PAPPA2: variants seen among roughly 807,000 people sequenced by gnomAD.
PAPPA2 encodes the protein pappalysin 2.
In PAPPA2, 86 loss-of-function variants were observed where a neutral mutation model predicts 176.4. The observed-to-expected ratio is 0.49, with a 90% CI of 0.41 to 0.58. The LOEUF is 0.58. Among genes scored for constraint, PAPPA2 ranks in the 20% least tolerant of loss-of-function variants. The probability of loss-of-function intolerance (pLI) is 0.00; values close to 1 mark genes in which losing one functional copy is unlikely to be tolerated. For synonymous variants in PAPPA2, 809 were observed against 852.2 expected (o/e 0.95, Z 0.88); for missense variants, 2,073 against 2,256.9 (o/e 0.92, Z 1.65).
chr1:176,720,758 C>A (rs888471260), intron 12 of PAPPA2, among the ~76,000 whole-genome samples: 1 of 152,028 alleles, frequency 6.6e-6, no homozygotes, highest in African/African-American at 2.4e-5. Context: ...ACCTGGGATG[C>A]TGGTAGCATG....
Position 176,563,394 on chromosome 1 carries a change from T to A in PAPPA2, c.919+6153T>A, listed in dbSNP as rs551488129. The stretch of plus-strand genomic sequence containing the variant: ...GAGGGGCTTAATTACTTTAAGGAAG[T>A]TTAAACCCCAGAACTCTAGAGCAGG... On this transcript the variant is annotated intron_variant, in intron 2 of 22. Coordinates refer to ENST00000367662, the MANE Select transcript of PAPPA2 (RefSeq NM_020318.3). Among the ~76,000 whole-genome samples, 11 of 152,318 alleles carry A rather than the reference T, an allele frequency of 7.2e-5. No homozygotes were observed. The East Asian group carries it at 2.1e-3, about 29-fold the overall frequency.
At chr1:176,783,379 C>T (rs534868832) in intron 17 of PAPPA2, among the ~76,000 whole-genome samples, 1 of 152,242 alleles carries the variant, frequency 6.6e-6, no homozygotes, top group Non-Finnish European at 1.5e-5. Flanking sequence ...ATGTTACTCT[C>T]GAAAACCCTA....
chr1:176,816,166 A>G (rs1165688950), intron 21 of PAPPA2, among the ~76,000 whole-genome samples: 6 of 115,480 alleles, frequency 5.2e-5, no homozygotes, highest in African/African-American at 7.2e-5. Context: ...ATATATATAT[A>G]TATATATATA....
intron 3 of PAPPA2, among the ~76,000 whole-genome samples, chr1:176,634,205 A>T (rs1018335097): frequency 3.3e-5 from 5 of 152,202 alleles, no homozygotes; most frequent in African/African-American, 9.7e-5. Flanking sequence ...AATGCCCAAA[A>T]ATGATAGACT....
chr1:176,836,151 A>G (rs61821310), intron 21 of PAPPA2, among the ~76,000 whole-genome samples: 2 of 152,268 alleles, frequency 1.3e-5, no homozygotes, highest in South Asian at 4.2e-4. Flanking sequence ...ACCATGCCTG[A>G]TTTGGAAAGG....
intron 3 of PAPPA2, among the ~76,000 whole-genome samples, chr1:176,596,056 A>G (rs772897279): frequency 6.6e-6 from 1 of 152,228 alleles, no homozygotes; most frequent in African/African-American, 2.4e-5. Flanking sequence ...TGTTAGGTCT[A>G]TTTAGTCTAA....
intron 20 of PAPPA2, among the ~76,000 whole-genome samples, chr1:176,795,992 C>T (rs1294085931): frequency 3.3e-5 from 5 of 152,086 alleles, no homozygotes; most frequent in African/African-American, 1.2e-4. Context: ...AGGAAGAAAA[C>T]GAGAAGATAA....
chr1:176,666,598 T>TGAGAGA (rs1212034462), intron 3 of PAPPA2, among the ~76,000 whole-genome samples: 10 of 138,816 alleles, frequency 7.2e-5, no homozygotes, highest in African/African-American at 2.8e-4. Flanking sequence ...TGTGTGTGTG[T>TGAGAGA]GTGTGTGTGT....
At chr1:176,659,667 A>G (rs1365147669) in intron 3 of PAPPA2, among the ~76,000 whole-genome samples, 1 of 152,162 alleles carries the variant, frequency 6.6e-6, no homozygotes, top group Non-Finnish European at 1.5e-5. Context: ...AATCATTTGT[A>G]TTAAGATAAT....
intron 15 of PAPPA2, among the ~76,000 whole-genome samples, chr1:176,768,409 G>A (rs1340450771): frequency 6.6e-6 from 1 of 152,042 alleles, no homozygotes; most frequent in East Asian, 1.9e-4. Flanking sequence ...TGGCTTTATT[G>A]TTGCATATTT....
Position 176,690,062 on chromosome 1 carries a change from A to G in PAPPA2, c.2138-75A>G, listed in dbSNP as rs1484066416. 6 of 1,304,010 alleles carry G rather than the reference A, an allele frequency of 4.6e-6. No individual in the cohort carries two copies. In the African/African-American group the frequency reaches 7.4e-5, roughly 16 times the overall value. The allele number at this position is 1,304,010 out of a possible 1,614,324, so 80.8% of individuals were successfully genotyped here. On this transcript the variant is annotated intron_variant, in intron 4 of 22. Coordinates refer to ENST00000367662, the MANE Select transcript of PAPPA2 (RefSeq NM_020318.3). ...GGCTGAAATGGAATATTTGATGTTT[A>G]TCAGAAAACATAATTAAGGATTGGA...
At chr1:176,547,521 C>T (rs1463659982) in intron 1 of PAPPA2, among the ~76,000 whole-genome samples, 3 of 152,088 alleles carry the variant, frequency 2.0e-5, no homozygotes, top group Admixed American at 2.0e-4. Flanking sequence ...TTACTTTGGC[C>T]AATAGAAAAC....
At chr1:176,616,105 A>T (rs1269741689) in intron 3 of PAPPA2, among the ~76,000 whole-genome samples, 4 of 152,192 alleles carry the variant, frequency 2.6e-5, no homozygotes, top group Non-Finnish European at 5.9e-5. Flanking sequence ...CCAAACACAG[A>T]GGTTGCCAAA....
chr1:176,837,293 T>C (rs1667308482), intron 21 of PAPPA2, among the ~76,000 whole-genome samples: 2 of 152,098 alleles, frequency 1.3e-5, no homozygotes, highest in South Asian at 4.1e-4. Context: ...GATTTAAGTA[T>C]TCACTGTAGG....
chr1:176,768,827 G>A (rs111935501), intron 15 of PAPPA2, among the ~76,000 whole-genome samples: 3 of 152,304 alleles, frequency 2.0e-5, no homozygotes, highest in Admixed American at 6.5e-5. Context: ...AGGTTTGGAA[G>A]ATGCCTTGTA....
intron 3 of PAPPA2, among the ~76,000 whole-genome samples, chr1:176,600,923 C>G (rs1281935032): frequency 5.3e-5 from 8 of 152,182 alleles, no homozygotes; most frequent in Admixed American, 5.2e-4. Flanking sequence ...ATGAACAACT[C>G]TCCTCACTTC....
intron 11 of PAPPA2, 36 bp from the exon 12 acceptor site, chr1:176,711,799 C>T (rs1306223462): frequency 1.9e-6 from 3 of 1,579,798 alleles, no homozygotes; most frequent in Admixed American, 1.7e-5. Flanking sequence ...TCTTCACACT[C>T]CACACTTCAA....
chr1:176,622,010 A>C (rs962596229), intron 3 of PAPPA2, among the ~76,000 whole-genome samples: 1 of 152,156 alleles, frequency 6.6e-6, no homozygotes, highest in Non-Finnish European at 1.5e-5. Flanking sequence ...GGTTTAGAAC[A>C]CATGCAGGAG....
chr1:176,739,734 G>A lies in PAPPA2; in HGVS notation c.3907G>A (p.Asp1303Asn), dbSNP rs768631407. Residue 1303 changes from aspartate (D) to asparagine (N), a missense_variant, in exon 13 of 23, where the codon GAT becomes AAT. Asp to Asn is a conservative substitution (Grantham distance 23). Transcript: ENST00000367662. The part of the protein sequence containing the change: ...QQPTVTLYLT[D>N]VRGSNHSLGT... ...GCCGACAGTGACTCTCTACCTGACC[G>A]ATGTCCGTGGAAGCAACCACTCTCT... 43 of 1,613,478 alleles carry A rather than the reference G, an allele frequency of 2.7e-5. 1 individual carries two copies. The South Asian group carries it at 3.6e-4, about 14-fold the overall frequency.
Sources: allele counts gnomAD v4.1 joint callset (sites outside exome capture counted in the v4.1 genomes callset), GRCh38; gene constraint gnomAD v4.1.1; transcripts MANE v1.5; gene names NCBI Gene and HGNC (gene_info 2026-07-23, HGNC 2026-07-21).